The following SAMD3 variants were observed in gnomAD, a reference collection of about 807,000 sequenced individuals.
SAMD3 encodes the protein sterile alpha motif domain-containing protein 3.
A neutral mutation model predicts 58.5 loss-of-function variants in SAMD3; 63 were observed. The observed-to-expected ratio is 1.08, with a 90% CI of 0.88 to 1.33. SAMD3 has a LOEUF of 1.33. Among genes scored for constraint, SAMD3 ranks in the 40% most tolerant of loss-of-function variants. The pLI is 0.00. For missense variants in SAMD3, 604 were observed against 608.4 expected (o/e 0.99, Z 0.08); for synonymous variants, 220 against 210.3 (o/e 1.05, Z -0.40).
intron 1 of SAMD3, among the ~76,000 whole-genome samples, chr6:130,323,117 A>G (rs571510090): frequency 2.0e-5 from 3 of 152,346 alleles, no homozygotes; most frequent in Admixed American, 2.0e-4. Context: ...GCTGTTCATA[A>G]TAAATATAAT....
chr6:130,206,097 C>T (rs1237309406), intron 5 of SAMD3, among the ~76,000 whole-genome samples: 1 of 152,138 alleles, frequency 6.6e-6, no homozygotes, highest in Admixed American at 6.5e-5. Context: ...AAGGGCAGGG[C>T]CATAGGGAAA....
chr6:130,251,081 A>G (rs981059569), intron 2 of SAMD3, among the ~76,000 whole-genome samples: 2 of 152,230 alleles, frequency 1.3e-5, no homozygotes, highest in Admixed American at 1.3e-4. Flanking sequence ...ATTTCTCCAC[A>G]TTCTTGCCAA....
chr6:130,341,692 G>T (rs1043882365), intron 1 of SAMD3, among the ~76,000 whole-genome samples: 1 of 152,152 alleles, frequency 6.6e-6, no homozygotes, highest in Non-Finnish European at 1.5e-5. Context: ...TAAGAGTGGG[G>T]CTGATGGCAG....
At chr6:130,226,975 A>G (rs1796397440), upstream of SAMD3, among the ~76,000 whole-genome samples, 1 of 152,222 alleles carries the variant, frequency 6.6e-6, no homozygotes, top group Non-Finnish European at 1.5e-5. Context: ...ACATAATGTA[A>G]AGTTTACCGT....
At chr6:130,283,375 A>G in intron 2 of SAMD3, among the ~76,000 whole-genome samples, 1 of 152,222 alleles carries the variant, frequency 6.6e-6, no homozygotes, top group South Asian at 2.1e-4. Flanking sequence ...TATGAAATAT[A>G]TGAATCCTTA....
chr6:130,322,109 G>T (rs1300513014), intron 1 of SAMD3, among the ~76,000 whole-genome samples: 1 of 152,220 alleles, frequency 6.6e-6, no homozygotes, highest in African/African-American at 2.4e-5. Flanking sequence ...CATTAGTGAG[G>T]GTTTAACTGA....
chr6:130,215,073 A>C, intron 3 of SAMD3, 122 bp downstream of exon 3: 1 of 540,034 alleles, frequency 1.9e-6, no homozygotes, highest in Non-Finnish European at 3.3e-6. Context: ...CTACTGCAGC[A>C]ACCCCACATC....
At chr6:130,362,249 T>C (rs1349732868) in intron 1 of SAMD3, among the ~76,000 whole-genome samples, 1 of 152,192 alleles carries the variant, frequency 6.6e-6, no homozygotes, top group Non-Finnish European at 1.5e-5. Context: ...TTGCAGAGTA[T>C]GATTTAATAG....
At chr6:130,177,464 C>T (rs1562400542) in intron 7 of SAMD3, among the ~76,000 whole-genome samples, 1 of 152,158 alleles carries the variant, frequency 6.6e-6, no homozygotes, top group East Asian at 1.9e-4. Context: ...ATCTCTTCCA[C>T]TGCTGGGCCT....
intron 9 of SAMD3, among the ~76,000 whole-genome samples, chr6:130,146,639 A>G (rs1460583191): frequency 6.6e-6 from 1 of 152,336 alleles, no homozygotes; most frequent in South Asian, 2.1e-4. Context: ...TAGGTAAAGG[A>G]GAGTGCTTTA....
chr6:130,254,585 T>A (rs987221208), intron 2 of SAMD3, among the ~76,000 whole-genome samples: 2 of 152,174 alleles, frequency 1.3e-5, no homozygotes, highest in African/African-American at 4.8e-5. Flanking sequence ...TGCCTTGGCC[T>A]CCCCAAGTGC....
At chr6:130,174,668 A>G (rs1479568533) in intron 8 of SAMD3, among the ~76,000 whole-genome samples, 1 of 152,228 alleles carries the variant, frequency 6.6e-6, no homozygotes, top group Admixed American at 6.5e-5. Flanking sequence ...TGCCAAATAA[A>G]TATGATTCTA....
intron 1 of SAMD3, among the ~76,000 whole-genome samples, chr6:130,355,965 A>G (rs1261603277): frequency 6.6e-6 from 1 of 152,102 alleles, no homozygotes; most frequent in African/African-American, 2.4e-5. Flanking sequence ...CATCAGTGCC[A>G]TTTTTCCTTG....
chr6:130,262,531 C>A (rs1583021849), intron 2 of SAMD3, among the ~76,000 whole-genome samples: 1 of 150,324 alleles, frequency 6.7e-6, no homozygotes, highest in African/African-American at 2.4e-5. Context: ...CCAACCAGAC[C>A]TAAGAGGAAC....
chr6:130,287,075 G>T (rs1335234873), intron 2 of SAMD3, among the ~76,000 whole-genome samples: 1 of 152,080 alleles, frequency 6.6e-6, no homozygotes, highest in African/African-American at 2.4e-5. Context: ...TACTTTGGAT[G>T]CCACATTTCT....
At chr6:130,158,110 G>T (rs1451455272) in intron 8 of SAMD3, among the ~76,000 whole-genome samples, 1 of 152,160 alleles carries the variant, frequency 6.6e-6, no homozygotes, top group African/African-American at 2.4e-5. Flanking sequence ...ATTCAATATT[G>T]TAAGAAAGTC....
intron 1 of SAMD3, among the ~76,000 whole-genome samples, chr6:130,341,083 C>T (rs867105437): frequency 2.2e-4 from 33 of 150,478 alleles, no homozygotes; most frequent in Non-Finnish European, 2.8e-4. Flanking sequence ...TGGGATTCCA[C>T]AAACTCTCAG....
chr6:130,152,402 C>T (rs926982184), intron 9 of SAMD3, among the ~76,000 whole-genome samples: 2 of 152,160 alleles, frequency 1.3e-5, no homozygotes, highest in African/African-American at 2.4e-5. Flanking sequence ...TCAGGTCGGG[C>T]ACGGTGGCTC....
At chr6:130,143,180 G>GTTA (rs1788361952), downstream of SAMD3, 1 of 152,210 alleles carries the variant, frequency 6.6e-6, no homozygotes, top group African/African-American at 2.4e-5. Flanking sequence ...ATATTTTGCA[G>GTTA]TTATTTCCAG....
Sources: gnomAD v4.1 joint callset for allele counts (sites outside exome capture counted in the v4.1 genomes callset) on GRCh38, gnomAD v4.1.1 for gene constraint, MANE v1.5 for transcripts, NCBI Gene and HGNC (gene_info 2026-07-23, HGNC 2026-07-21) for gene names.